SHC3: variants seen among roughly 807,000 people sequenced by gnomAD.
The protein encoded by SHC3 is SHC adaptor protein 3, also known as SHC-transforming protein 3.
SHC3 carries 15 observed loss-of-function variants against 60.4 expected under a neutral mutation model. The ratio of observed to expected loss-of-function variants is 0.25; its 90% CI spans 0.17 to 0.38. The LOEUF is 0.38. Among genes scored for constraint, SHC3 ranks in the 10% least tolerant of loss-of-function variants. The probability of loss-of-function intolerance (pLI) is 1.00; values close to 1 mark genes in which losing one functional copy is unlikely to be tolerated. For synonymous variants in SHC3, 294 were observed against 325.9 expected, an observed-to-expected ratio of 0.90 and a Z score of 1.05; for missense variants, 677 against 786.1, an observed-to-expected ratio of 0.86 and a Z score of 1.66.
chr9:89,044,954 G>A (rs543182951), intron 9 of SHC3, among the ~76,000 whole-genome samples: 252 of 152,290 alleles, frequency 1.7e-3, no homozygotes, highest in Non-Finnish European at 3.1e-3. Context: ...CCAGCTTAGA[G>A]TAGGGGGCTT....
intron 7 of SHC3, 107 bp from the exon 8 acceptor site, chr9:89,047,101 T>C: frequency 8.3e-7 from 1 of 1,205,632 alleles, no homozygotes; most frequent in East Asian, 2.6e-5. Context: ...GTTTAGTCAG[T>C]GCCTCCTCAG....
chr9:89,088,646 A>T (rs1273491911), intron 2 of SHC3: 2 of 152,170 alleles, frequency 1.3e-5, no homozygotes, highest in Non-Finnish European at 2.9e-5. Context: ...GGAAAGAGGT[A>T]CAATGCAATC....
At chr9:89,115,114 C>T (rs1001256410) in intron 1 of SHC3, among the ~76,000 whole-genome samples, 1 of 152,118 alleles carries the variant, frequency 6.6e-6, no homozygotes, top group African/African-American at 2.4e-5. Context: ...AGTAGAGTAC[C>T]ACCTGCATCA....
chr9:89,087,187 G>A (rs1328974126), intron 2 of SHC3, among the ~76,000 whole-genome samples: 1 of 152,170 alleles, frequency 6.6e-6, no homozygotes, highest in Non-Finnish European at 1.5e-5. Context: ...CAAGGAAACT[G>A]ATGGCAACAA....
intron 1 of SHC3, among the ~76,000 whole-genome samples, chr9:89,143,019 T>A (rs1312196942): frequency 6.6e-6 from 1 of 152,144 alleles, no homozygotes; most frequent in African/African-American, 2.4e-5. Flanking sequence ...AGAGGGATAT[T>A]GGATCTCGGA....
Position 89,100,168 on chromosome 9 carries a change from T to C in SHC3, c.545+12388A>G, listed in dbSNP as rs192357648. Among the ~76,000 whole-genome samples, 453 of 152,280 alleles carry C rather than the reference T, an allele frequency of 3.0e-3. 5 individuals are homozygous for C. The highest frequency in any genetic ancestry group is 2.9e-3 in the Non-Finnish European group (195 of 68,024). ...CCAGTCAGAAAGAGAAGGTAACACT[T>C]AGAACTGATCCAAGATGCATATTTT... On this transcript the variant is annotated intron_variant, in intron 2 of 11. Coordinates refer to ENST00000375835, the MANE Select transcript of SHC3 (RefSeq NM_016848.6).
intron 1 of SHC3, among the ~76,000 whole-genome samples, chr9:89,122,503 T>C (rs1826105597): frequency 6.6e-6 from 1 of 152,246 alleles, no homozygotes; most frequent in Non-Finnish European, 1.5e-5. Flanking sequence ...TTTAGAAGGC[T>C]TGACAACACC....
intron 1 of SHC3, among the ~76,000 whole-genome samples, chr9:89,156,466 G>T (rs536904010): frequency 6.6e-6 from 1 of 152,166 alleles, no homozygotes; most frequent in African/African-American, 2.4e-5. Flanking sequence ...GAGCCTGTGG[G>T]CCCCCAAAGA....
At chr9:89,160,900 A>C (rs1326635792) in intron 1 of SHC3, among the ~76,000 whole-genome samples, 2 of 152,214 alleles carry the variant, frequency 1.3e-5, no homozygotes, top group Non-Finnish European at 1.5e-5. Flanking sequence ...AATAGAACAG[A>C]GTTCAAAATA....
At chr9:89,152,360 C>A (rs1169214930) in intron 1 of SHC3, among the ~76,000 whole-genome samples, 2 of 152,200 alleles carry the variant, frequency 1.3e-5, no homozygotes, top group Non-Finnish European at 2.9e-5. Context: ...CAAATGAAAT[C>A]AATTTACAGG....
chr9:89,169,258 C>G (rs1418514530), intron 1 of SHC3, among the ~76,000 whole-genome samples: 1 of 152,158 alleles, frequency 6.6e-6, no homozygotes, highest in African/African-American at 2.4e-5. Context: ...CACCTCCCCA[C>G]CTGAGGACTA....
chr9:89,094,498 A>G (rs550486617), intron 2 of SHC3, among the ~76,000 whole-genome samples: 1 of 152,358 alleles, frequency 6.6e-6, no homozygotes, highest in South Asian at 2.1e-4. Flanking sequence ...TGCAAAAGGT[A>G]GGAAGATTGT....
chr9:89,129,041 A>C (rs1273871473), intron 1 of SHC3, among the ~76,000 whole-genome samples: 1 of 152,172 alleles, frequency 6.6e-6, no homozygotes, highest in Non-Finnish European at 1.5e-5. Flanking sequence ...ACTAGAATAA[A>C]CAGTGTAGAG....
Position 89,026,054 on chromosome 9 carries a change from G to A in SHC3, c.1656+11939C>T, listed in dbSNP as rs575455947. ...AGGTCAGGAGTTCGAGACCAGCCTG[G>A]CCAACATGGTGAAACCTCATCTCTA... On this transcript the variant is annotated intron_variant, in intron 11 of 11. Transcript: ENST00000375835. Among the ~76,000 whole-genome samples the A allele has an allele frequency of 2.0e-5, 3 of 152,226 alleles. No homozygotes were observed. In the South Asian group the frequency reaches 6.2e-4, roughly 32 times the overall value.
intron 7 of SHC3, 75 bp downstream of exon 7, chr9:89,051,962 C>T (rs1564102327): frequency 6.3e-7 from 1 of 1,583,324 alleles, no homozygotes; most frequent in East Asian, 2.3e-5. Flanking sequence ...GAACACAGCT[C>T]AGGGATGTGG....
chr9:89,147,151 G>A (rs1255836600), intron 1 of SHC3, among the ~76,000 whole-genome samples: 2 of 130,556 alleles, frequency 1.5e-5, no homozygotes, highest in African/African-American at 3.0e-5. Flanking sequence ...CAGCCTTTCT[G>A]TAACTGGCAA....
intron 1 of SHC3, among the ~76,000 whole-genome samples, chr9:89,127,655 A>C (rs1277756903): frequency 6.6e-6 from 1 of 152,108 alleles, no homozygotes; most frequent in Non-Finnish European, 1.5e-5. Context: ...TATAATAATT[A>C]GGTAGGAAGT....
intron 11 of SHC3, among the ~76,000 whole-genome samples, chr9:89,031,729 G>A (rs537512608): frequency 1.3e-5 from 2 of 148,460 alleles, no homozygotes; most frequent in Non-Finnish European, 2.9e-5. Context: ...TGGGAATGGG[G>A]TGAGGGTGGA....
chr9:89,102,781 AG>A (rs1292777245), intron 2 of SHC3, among the ~76,000 whole-genome samples: 3 of 152,208 alleles, frequency 2.0e-5, no homozygotes, highest in Non-Finnish European at 4.4e-5. Flanking sequence ...TTTCACTTAA[AG>A]TTGCAGTTTC....
Sources: allele counts gnomAD v4.1 joint callset (sites outside exome capture counted in the v4.1 genomes callset), GRCh38; gene constraint gnomAD v4.1.1; transcripts MANE v1.5; gene names NCBI Gene and HGNC (gene_info 2026-07-23, HGNC 2026-07-21).